The following STPG1 variants were observed in gnomAD, a reference collection of about 807,000 sequenced individuals.
The protein encoded by STPG1 is sperm tail PG-rich repeat containing 1.
A neutral mutation model predicts 40.1 loss-of-function variants in STPG1; 33 were observed. The observed-to-expected ratio is 0.82, with a 90% CI of 0.62 to 1.10. STPG1 has a LOEUF of 1.10. STPG1 is among the 50% of genes least tolerant of loss of function. STPG1 has a pLI of 0.00. For missense variants in STPG1, 396 were observed against 415.1 expected, an observed-to-expected ratio of 0.95 and a Z score of 0.40; for synonymous variants, 150 against 155.0, an observed-to-expected ratio of 0.97 and a Z score of 0.24.
intron 7 of STPG1, among the ~76,000 whole-genome samples, chr1:24,365,555 G>A (rs956219560): frequency 6.6e-6 from 1 of 152,174 alleles, no homozygotes; most frequent in African/African-American, 2.4e-5. Context: ...AGGAACACCC[G>A]ATGGCATGAC....
chr1:24,376,574 T>C (rs372160657), intron 5 of STPG1, among the ~76,000 whole-genome samples: 4 of 152,208 alleles, frequency 2.6e-5, no homozygotes, highest in African/African-American at 7.2e-5. Flanking sequence ...AGTTATTCCT[T>C]TGATGTCATA....
chr1:24,386,093 T>G (rs11249098), intron 3 of STPG1, among the ~76,000 whole-genome samples: 19,616 of 152,196 alleles, frequency 0.13, 1,397 homozygotes, highest in African/African-American at 0.19. Context: ...AAATGCCGGC[T>G]CCATCCTACC....
At chr1:24,379,974 C>T (rs1395044998) in intron 4 of STPG1, 151 bp from the exon 5 acceptor site, 13 of 735,340 alleles carry the variant, frequency 1.8e-5, no homozygotes, top group Non-Finnish European at 2.4e-5. Context: ...TGACCTCAGG[C>T]TTTGAGGATC....
chr1:24,394,289 C>T (rs985591551), intron 2 of STPG1, among the ~76,000 whole-genome samples: 3 of 152,194 alleles, frequency 2.0e-5, no homozygotes, highest in African/African-American at 7.2e-5. Context: ...CTAAATACTG[C>T]TCTGGTTCCA....
intron 5 of STPG1, among the ~76,000 whole-genome samples, chr1:24,375,167 T>C (rs1327698820): frequency 6.6e-6 from 1 of 152,198 alleles, no homozygotes; most frequent in Non-Finnish European, 1.5e-5. Context: ...GTGCGCGATG[T>C]GTTCAGAACT....
At chr1:24,392,269 T>C (rs1402910809) in intron 2 of STPG1, among the ~76,000 whole-genome samples, 1 of 152,260 alleles carries the variant, frequency 6.6e-6, no homozygotes, top group Admixed American at 6.5e-5. Context: ...TAGGCTGCGA[T>C]GTATACATGC....
At chr1:24,394,708 T>C (rs1436779388) in intron 2 of STPG1, among the ~76,000 whole-genome samples, 1 of 151,744 alleles carries the variant, frequency 6.6e-6, no homozygotes, top group Admixed American at 6.6e-5. Flanking sequence ...CTAGATGAGA[T>C]GAATAGCAAA....
At chr1:24,373,895 C>T (rs1055076938) in intron 5 of STPG1, 85 bp from the exon 6 acceptor site, 13 of 1,003,506 alleles carry the variant, frequency 1.3e-5, no homozygotes, top group African/African-American at 3.2e-5. Context: ...GGCAAATCTA[C>T]GTAAAAAAAA....
intron 2 of STPG1, among the ~76,000 whole-genome samples, chr1:24,400,517 C>G (rs904390473): frequency 6.6e-6 from 1 of 152,062 alleles, no homozygotes; most frequent in African/African-American, 2.4e-5. Flanking sequence ...TATATTTATG[C>G]TTCAATTTAA....
intron 1 of STPG1, among the ~76,000 whole-genome samples, chr1:24,401,912 C>A (rs776463812): frequency 1.3e-5 from 2 of 152,112 alleles, no homozygotes; most frequent in Non-Finnish European, 2.9e-5. Context: ...GTCTCGAACT[C>A]CTGACCTCAG....
Position 24,359,433 on chromosome 1 carries a change from T to G in STPG1, c.929-814A>C, listed in dbSNP as rs112425146. ...GTATGGAGCATTTGCATGTTTGCAA[T>G]GCTGAGTTCTCCTCGACTGACTAGA... On this transcript the variant is annotated intron_variant, in intron 8 of 8. Transcript: ENST00000337248. This position sits in a 1 kb window ranked among gnomAD's most constrained non-coding sequence, Gnocchi z 5.3. Among the ~76,000 whole-genome samples, 1 of 152,226 alleles carries G rather than the reference T, an allele frequency of 6.6e-6. No homozygotes were observed. Among genetic ancestry groups the G allele is most frequent in the African/African-American group, 2.4e-5 (1 of 41,462 alleles).
chr1:24,364,206 A>T, intron 7 of STPG1: 1 of 1,537,634 alleles, frequency 6.5e-7, no homozygotes, highest in Non-Finnish European at 8.8e-7. Flanking sequence ...TCCTCCACCC[A>T]CGCCTGTCTC....
At chr1:24,409,513 C>T (rs1643534469) in intron 1 of STPG1, among the ~76,000 whole-genome samples, 1 of 152,190 alleles carries the variant, frequency 6.6e-6, no homozygotes, top group African/African-American at 2.4e-5. Flanking sequence ...TATTAAGCTT[C>T]CTGTTTTACA....
chr1:24,401,271 A>C, intron 2 of STPG1, 48 bp downstream of exon 2: 2 of 1,581,276 alleles, frequency 1.3e-6, no homozygotes, highest in Non-Finnish European at 1.7e-6. Flanking sequence ...TATGTACTAA[A>C]ATAAGCATAT....
At chr1:24,385,481 G>A (rs1180164115) in intron 3 of STPG1, among the ~76,000 whole-genome samples, 4 of 152,190 alleles carry the variant, frequency 2.6e-5, no homozygotes, top group African/African-American at 4.8e-5. Context: ...GAAGGGCTAT[G>A]GGGAGACAAG....
At chr1:24,363,718 G>A (rs906791203) in intron 7 of STPG1, among the ~76,000 whole-genome samples, 1 of 152,230 alleles carries the variant, frequency 6.6e-6, no homozygotes, top group Non-Finnish European at 1.5e-5. Context: ...AAGAGACAGA[G>A]ACAGAGGGAC....
At chr1:24,360,276 C>G (rs1641017643) in intron 8 of STPG1, among the ~76,000 whole-genome samples, 1 of 152,176 alleles carries the variant, frequency 6.6e-6, no homozygotes, top group South Asian at 2.1e-4. Flanking sequence ...GAACCCCTGT[C>G]TGTCTCTGCT....
chr1:24,412,490 T>C (rs1198647049), intron 1 of STPG1, among the ~76,000 whole-genome samples: 1 of 149,008 alleles, frequency 6.7e-6, no homozygotes, highest in Non-Finnish European at 1.5e-5. Flanking sequence ...TGTATGTTTA[T>C]TACTTTATTT....
Position 24,359,844 on chromosome 1 carries a change from A to G in STPG1, c.928+1007T>C, listed in dbSNP as rs1640977652. ...ATAGAGAGCTACAAATAGGTCAGGAAGCACAGAGGCCGCCCACTGGACTGA... is the reference window on the plus strand; with the variant it reads ...ATAGAGAGCTACAAATAGGTCAGGAGGCACAGAGGCCGCCCACTGGACTGA... On this transcript the variant is annotated intron_variant, in intron 8 of 8. Transcript: ENST00000337248. This position sits in a 1 kb window ranked among gnomAD's most constrained non-coding sequence, Gnocchi z 5.3. 2.0e-5 allele frequency among the ~76,000 whole-genome samples: 3 copies of G among 152,238 alleles called. No individual in the cohort carries two copies. The East Asian group carries it at 5.8e-4, about 29-fold the overall frequency.
Sources: allele counts gnomAD v4.1 joint callset (sites outside exome capture counted in the v4.1 genomes callset), GRCh38; gene constraint gnomAD v4.1.1; non-coding constraint Gnocchi (gnomAD v3.1); transcripts MANE v1.5; gene names NCBI Gene and HGNC (gene_info 2026-07-23, HGNC 2026-07-21).